The following TMEM38A variants were observed in gnomAD, a reference collection of about 807,000 sequenced individuals.
The protein encoded by TMEM38A is trimeric intracellular cation channel type A.
In TMEM38A, 17 loss-of-function variants were observed where a neutral mutation model predicts 28.6. The ratio of observed to expected loss-of-function variants is 0.60; its 90% CI spans 0.41 to 0.89. The LOEUF (loss-of-function observed/expected upper bound fraction) is 0.89, where lower values mean the gene tolerates loss of function less well. Ranked by LOEUF, TMEM38A falls within the 40% of genes least tolerant of loss-of-function variation. TMEM38A has a pLI of 0.00. For missense variants in TMEM38A, 328 were observed against 393.1 expected, an observed-to-expected ratio of 0.83 and a Z score of 1.40; for synonymous variants, 169 against 166.1, an observed-to-expected ratio of 1.02 and a Z score of -0.14.
rs111902272 is a variant in TMEM38A at position 16,680,594 on chromosome 19, A to G, written c.466+13A>G. The G allele has an allele frequency of 1.9e-6, 3 of 1,607,428 alleles. No individual in the cohort carries two copies. The highest frequency in any genetic ancestry group is 2.6e-6 in the Non-Finnish European group (3 of 1,174,486). ...GGGTGGGTCAAAGGTAAATAGGATG[A>G]TGACAATGAAAAATCATCCCAGTGG... On this transcript the variant is annotated intron_variant, in intron 3 of 5. Transcript: ENST00000187762.
chr19:16,675,495 A>G (rs2086746344), intron 1 of TMEM38A, among the ~76,000 whole-genome samples: 1 of 150,722 alleles, frequency 6.6e-6, no homozygotes, highest in East Asian at 2.0e-4. Context: ...CAGCCTCCCA[A>G]AGTGCTGGGA....
At chr19:16,671,017 A>G (rs1171140529) in intron 1 of TMEM38A, among the ~76,000 whole-genome samples, 2 of 152,088 alleles carry the variant, frequency 1.3e-5, no homozygotes, top group East Asian at 3.9e-4. Context: ...GTCACCCTAG[A>G]CCGCCTCCCC....
At chr19:16,677,192 C>T (rs914959305) in intron 1 of TMEM38A, among the ~76,000 whole-genome samples, 1 of 151,840 alleles carries the variant, frequency 6.6e-6, no homozygotes, top group African/African-American at 2.4e-5. Flanking sequence ...GTTTATGACT[C>T]ACAAGAAGTT....
At chr19:16,668,460 G>C (rs1240951305) in intron 1 of TMEM38A, among the ~76,000 whole-genome samples, 1 of 148,524 alleles carries the variant, frequency 6.7e-6, no homozygotes, top group Non-Finnish European at 1.5e-5. Context: ...CACGAGAATT[G>C]CTTGAACCTG....
At chr19:16,686,067 G>A (rs1599393122) in intron 4 of TMEM38A, among the ~76,000 whole-genome samples, 1 of 152,198 alleles carries the variant, frequency 6.6e-6, no homozygotes, top group Non-Finnish European at 1.5e-5. Flanking sequence ...GGAGGCTGAG[G>A]TGGGAGAAAC....
At position 16,672,446 on chromosome 19, in the gene TMEM38A, A is replaced by ATTTTTTTTTTT. The variant is rs746189021; in HGVS notation, c.125-7528_125-7518dup. Among the ~76,000 whole-genome samples, 376 of 104,966 alleles carry ATTTTTTTTTTT rather than the reference A, an allele frequency of 3.6e-3. 33 individuals carry two copies. The highest frequency in any genetic ancestry group is 9.2e-3 in the African/African-American group (215 of 23,404). 68.9% of individuals were successfully genotyped at this position (104,966 alleles called of 152,430 possible). ...TAAAAAAAAATCACAAAAAAACCTC[A>ATTTTTTTTTTT]TTTTTTTTTTTTTTTTTTTTGAGGC... On this transcript the variant is annotated intron_variant, in intron 1 of 5. Transcript: ENST00000187762.
At chr19:16,678,500 C>A (rs2086762884) in intron 1 of TMEM38A, among the ~76,000 whole-genome samples, 1 of 150,674 alleles carries the variant, frequency 6.6e-6, no homozygotes. Context: ...TGTCTCACGT[C>A]TATAATCCCA....
At chr19:16,676,940 T>C (rs2086754345) in intron 1 of TMEM38A, among the ~76,000 whole-genome samples, 1 of 151,748 alleles carries the variant, frequency 6.6e-6, no homozygotes, top group African/African-American at 2.4e-5. Context: ...TTTGTATTTT[T>C]AGTAGAGATG....
intron 4 of TMEM38A, among the ~76,000 whole-genome samples, chr19:16,684,971 C>T (rs1402494418): frequency 6.6e-6 from 1 of 151,506 alleles, no homozygotes; most frequent in Non-Finnish European, 1.5e-5. Context: ...ATCACTTGAG[C>T]CTCAGAGTTT....
At chr19:16,676,168 G>C (rs941397670) in intron 1 of TMEM38A, among the ~76,000 whole-genome samples, 1 of 133,768 alleles carries the variant, frequency 7.5e-6, no homozygotes, top group Non-Finnish European at 1.5e-5. Context: ...AGACCATCTT[G>C]GCTAACACAG....
rs745633889 is a variant in TMEM38A, at chr19:16,661,451, A to G, written c.124+110A>G. The G allele has an allele frequency of 2.4e-3, 2,349 of 972,418 alleles. 7 individuals carry two copies. The highest frequency in any genetic ancestry group is 3.1e-3 in the Non-Finnish European group (2,173 of 702,584). 60.2% of individuals were successfully genotyped at this position (972,418 alleles called of 1,614,324 possible). ...GTGCGTGGTGGAGGGAGCGAGGGAC[A>G]GGTTCAAGGATTGCATCGTGGGAGT... is the stretch of plus-strand genomic sequence containing the variant. On this transcript the variant is annotated intron_variant, in intron 1 of 5. Coordinates refer to ENST00000187762, the MANE Select transcript of TMEM38A (RefSeq NM_024074.4). The surrounding 1 kb of genome is among the most constrained non-coding windows in gnomAD (Gnocchi z 6.5).
Position 16,688,343 on chromosome 19 carries a change from G to A in TMEM38A, c.872G>A (p.Arg291Lys). 1 of 1,600,368 alleles carries A rather than the reference G, an allele frequency of 6.2e-7. No individual in the cohort carries two copies. Among genetic ancestry groups the A allele is most frequent in the South Asian group, 1.1e-5 (1 of 89,638 alleles). The change falls in exon 6 of 6, where the codon AGG (arginine) becomes AAG (lysine). Residue 291 changes from arginine (R) to lysine (K), a missense_variant. By Grantham distance (26) the Arg-to-Lys change is conservative. Coordinates refer to ENST00000187762, the MANE Select transcript of TMEM38A (RefSeq NM_024074.4). ...AAGGAGGAGTTGAGCGAGGGCTCCA[G>A]GAAGAAGAAGGCCAAGAAGGCGGAT... Reference protein sequence around the residue: ...KSKEELSEGSRKKKAKKAD With the variant: ...KSKEELSEGSKKKKAKKAD
chr19:16,688,563 C>A lies in TMEM38A; in HGVS notation c.*192C>A. On this transcript the variant is annotated 3_prime_UTR_variant, in exon 6 of 6. Coordinates refer to ENST00000187762, the MANE Select transcript of TMEM38A (RefSeq NM_024074.4). ...GAGGATGAAGAACTTTTGTAGAAAT[C>A]GGGGTTCCCTCTTTCTCTCTGCCAG... 2.4e-6 allele frequency: 1 copy of A among 424,618 alleles called. No individual in the cohort carries two copies. Among genetic ancestry groups the A allele is most frequent in the Non-Finnish European group, 4.0e-6 (1 of 248,166 alleles). The allele number at this position is 424,618 out of a possible 1,614,324, so 26.3% of individuals were successfully genotyped here. A position where few individuals can be genotyped will look rare whatever the true frequency, so the allele number is the denominator to read the frequency against.
At position 16,675,652 on chromosome 19, in the gene TMEM38A, G is replaced by A. The variant is rs575596262; in HGVS notation, c.125-4332G>A. 4.0e-5 allele frequency among the ~76,000 whole-genome samples: 6 copies of A among 151,096 alleles called. 1 individual carries two copies. In the South Asian group the frequency reaches 8.4e-4, roughly 21 times the overall value. On this transcript the variant is annotated intron_variant, in intron 1 of 5. Transcript: ENST00000187762. The stretch of plus-strand genomic sequence containing the variant: ...CAACCTCTGCCTCCCGGGTTGAAGC[G>A]ATTCTCCTACCTCTGCCTCCCTAGT...
rs1282148149 is a variant in TMEM38A, at chr19:16,688,343, GGAA to G, written c.880_882del (p.Lys294del). The G allele has an allele frequency of 4.4e-6, 7 of 1,600,368 alleles. No homozygotes were observed. The highest frequency in any genetic ancestry group is 5.1e-6 in the Non-Finnish European group (6 of 1,174,438). ...AAGGAGGAGTTGAGCGAGGGCTCCA[GGAA>G]GAAGAAGGCCAAGAAGGCGGATTAG... On this transcript the variant is annotated inframe_deletion, in exon 6 of 6. Coordinates refer to ENST00000187762, the MANE Select transcript of TMEM38A (RefSeq NM_024074.4).
intron 5 of TMEM38A, 113 bp downstream of exon 5, chr19:16,686,518 G>A: frequency 1.2e-6 from 1 of 809,342 alleles, no homozygotes; most frequent in Non-Finnish European, 2.1e-6. Flanking sequence ...GGGACAGGCA[G>A]CCCAGAGAGG....
intron 5 of TMEM38A, 88 bp from the exon 6 acceptor site, chr19:16,688,056 C>A: frequency 2.1e-6 from 2 of 973,726 alleles, no homozygotes; most frequent in South Asian, 2.7e-5. Flanking sequence ...TCTCTCCCCT[C>A]TTCTCCCCAC....
chr19:16,665,395 C>T (rs1238516426), intron 1 of TMEM38A, among the ~76,000 whole-genome samples: 8 of 151,906 alleles, frequency 5.3e-5, no homozygotes, highest in Admixed American at 2.6e-4. Flanking sequence ...AAGCTGAGGT[C>T]GGAGGATTAC....
intron 1 of TMEM38A, among the ~76,000 whole-genome samples, chr19:16,673,577 C>T (rs1331194405): frequency 6.6e-6 from 1 of 152,146 alleles, no homozygotes; most frequent in East Asian, 1.9e-4. Flanking sequence ...GGATGCACAG[C>T]TTCATATTTC....
Sources: gnomAD v4.1 joint callset for allele counts (sites outside exome capture counted in the v4.1 genomes callset) on GRCh38, gnomAD v4.1.1 for gene constraint, Gnocchi (gnomAD v3.1) non-coding constraint, MANE v1.5 for transcripts, NCBI Gene and HGNC (gene_info 2026-07-23, HGNC 2026-07-21) for gene names.